The following NFU1 variants were observed in gnomAD, a reference collection of about 807,000 sequenced individuals.
The protein encoded by NFU1 is NFU1 iron-sulfur cluster scaffold homolog, mitochondrial.
A neutral mutation model predicts 32.2 loss-of-function variants in NFU1; 30 were observed. That is an observed-to-expected ratio of 0.93 (90% CI 0.70 to 1.26). The LOEUF is 1.26. Ranked by LOEUF, NFU1 falls within the 50% of genes most tolerant of loss-of-function variation. The pLI, the probability that NFU1 is intolerant of heterozygous loss-of-function variation, is 0.00. For synonymous variants in NFU1, 112 were observed against 104.6 expected, an observed-to-expected ratio of 1.07 and a Z score of -0.43; for missense variants, 306 against 306.6, an observed-to-expected ratio of 1.00 and a Z score of 0.02.
At chr2:69,413,559 G>A (rs941804789) in intron 5 of NFU1, among the ~76,000 whole-genome samples, 8 of 152,074 alleles carry the variant, frequency 5.3e-5, no homozygotes, top group Non-Finnish European at 8.8e-5. Context: ...TCAGGAGTTC[G>A]GGATCAGCCC....
At chr2:69,411,558 T>C (rs1461081815) in intron 5 of NFU1, among the ~76,000 whole-genome samples, 3 of 152,184 alleles carry the variant, frequency 2.0e-5, no homozygotes, top group African/African-American at 7.2e-5. Context: ...AGAATTAATA[T>C]TCAGAATATT....
At chr2:69,414,766 G>A (rs886569234) in intron 5 of NFU1, among the ~76,000 whole-genome samples, 4 of 151,892 alleles carry the variant, frequency 2.6e-5, no homozygotes, top group African/African-American at 9.7e-5. Flanking sequence ...AAGGGATGGG[G>A]GTACAGTGGT....
intron 4 of NFU1, among the ~76,000 whole-genome samples, chr2:69,415,669 T>G (rs1205219612): frequency 6.6e-6 from 1 of 152,196 alleles, no homozygotes; most frequent in Non-Finnish European, 1.5e-5. Context: ...AAAAGGCAAT[T>G]TGCAGTATAA....
intron 1 of NFU1, among the ~76,000 whole-genome samples, chr2:69,432,452 T>C (rs867372532): frequency 1.1e-4 from 16 of 152,078 alleles, no homozygotes; most frequent in African/African-American, 3.9e-4. Context: ...CACATGCCTG[T>C]AATCCCAGCT....
intron 2 of NFU1, 24 bp from the exon 3 acceptor site, chr2:69,423,741 G>A (rs201047889): frequency 6.5e-7 from 1 of 1,535,036 alleles, no homozygotes; most frequent in East Asian, 2.3e-5. Flanking sequence ...AGAAGAAAAT[G>A]TTATTCTAGA....
chr2:69,411,743 T>A (rs1672886713), intron 5 of NFU1, among the ~76,000 whole-genome samples: 1 of 151,938 alleles, frequency 6.6e-6, no homozygotes. Flanking sequence ...CATGCACGCA[T>A]CACCATGCCC....
chr2:69,404,737 G>A (rs897732284), intron 6 of NFU1, among the ~76,000 whole-genome samples: 20 of 146,056 alleles, frequency 1.4e-4, no homozygotes, highest in Non-Finnish European at 2.8e-4. Context: ...CTCCTACCTC[G>A]GTCTCCCTAG....
intron 7 of NFU1, chr2:69,399,473 C>A: frequency 2.4e-6 from 1 of 415,722 alleles, no homozygotes; most frequent in Non-Finnish European, 4.8e-6. Context: ...ACTATGATTT[C>A]TTAATGGGCT....
At chr2:69,421,792 C>T (rs1398660988) in intron 3 of NFU1, among the ~76,000 whole-genome samples, 2 of 151,786 alleles carry the variant, frequency 1.3e-5, no homozygotes, top group African/African-American at 4.8e-5. Context: ...CTCTCGATCT[C>T]CTGACATGAT....
chr2:69,399,608 G>A (rs1345766260), intron 7 of NFU1, among the ~76,000 whole-genome samples: 6 of 132,070 alleles, frequency 4.5e-5, no homozygotes, highest in African/African-American at 1.4e-4. Flanking sequence ...GCAAGACCCC[G>A]TCTCTACAAA....
chr2:69,439,033 TCTCTGATGGATTC>T (rs1238616001), upstream of NFU1, among the ~76,000 whole-genome samples: 1 of 151,866 alleles, frequency 6.6e-6, no homozygotes, highest in Non-Finnish European at 1.5e-5. Context: ...AATTTTTCCC[TCTCTGATGGATTC>T]CTTATCATAA....
chr2:69,406,985 T>C (rs905119049), intron 5 of NFU1, among the ~76,000 whole-genome samples: 3 of 152,154 alleles, frequency 2.0e-5, no homozygotes, highest in Non-Finnish European at 2.9e-5. Flanking sequence ...CACTTCTTCT[T>C]GTTGCCGTCA....
chr2:69,420,302 C>A (rs904083949), intron 3 of NFU1, among the ~76,000 whole-genome samples: 5 of 152,174 alleles, frequency 3.3e-5, no homozygotes, highest in African/African-American at 1.2e-4. Flanking sequence ...CCAGCCTAAA[C>A]AGACTATTTT....
In NFU1 at chr2:69,434,836, T is replaced by G. The variant is rs117490637; in HGVS notation, c.62+2525A>C. 1.0e-3 allele frequency among the ~76,000 whole-genome samples: 154 copies of G among 152,318 alleles called. 2 individuals are homozygous for G. The East Asian group carries it at 0.028, about 28-fold the overall frequency. ...TTTTAGTACTCAGTCTCTCTGGATC[T>G]GAGGCTAGGGGTTTTCAAGGATAGA... On this transcript the variant is annotated intron_variant, in intron 1 of 7. Transcript: ENST00000410022.
At chr2:69,438,240 G>C (rs1224867455), upstream of NFU1, among the ~76,000 whole-genome samples, 1 of 149,884 alleles carries the variant, frequency 6.7e-6, no homozygotes, top group East Asian at 1.9e-4. Context: ...AGAAATCTTT[G>C]TTACTTGCTT....
intron 2 of NFU1, chr2:69,430,168 A>C (rs1387761015): frequency 5.6e-6 from 1 of 178,212 alleles, no homozygotes; most frequent in Non-Finnish European, 1.2e-5. Flanking sequence ...TGAAAATGTC[A>C]TGAGACTTAC....
At chr2:69,438,199 T>G (rs975637074), upstream of NFU1, among the ~76,000 whole-genome samples, 3 of 151,856 alleles carry the variant, frequency 2.0e-5, no homozygotes, top group African/African-American at 7.3e-5. Context: ...ACTTTATACT[T>G]ACTGAGGCAC....
chr2:69,437,890 G>T (rs908760343), upstream of NFU1, among the ~76,000 whole-genome samples: 1 of 152,186 alleles, frequency 6.6e-6, no homozygotes, highest in Non-Finnish European at 1.5e-5. Flanking sequence ...CCATGGGTCT[G>T]ATGTGGAACT....
At position 69,412,512 on chromosome 2, in the gene NFU1, G is replaced by A. The variant is rs182411994; in HGVS notation, c.484+2673C>T. Among the ~76,000 whole-genome samples, 530 of 148,168 alleles carry A rather than the reference G, an allele frequency of 3.6e-3. 3 individuals carry two copies. Among genetic ancestry groups the A allele is most frequent in the African/African-American group, 0.012 (505 of 40,456 alleles). On this transcript the variant is annotated intron_variant, in intron 5 of 7. Transcript: ENST00000410022. ...AGCAATTCTTCTGCCCCAGCCTCCC[G>A]AGTAGCTGGGATTACAGGCACGCGC...
Sources: allele counts gnomAD v4.1 joint callset (sites outside exome capture counted in the v4.1 genomes callset), GRCh38; gene constraint gnomAD v4.1.1; transcripts MANE v1.5; gene names NCBI Gene and HGNC (gene_info 2026-07-23, HGNC 2026-07-21).